The following DMD variants were observed in gnomAD, a reference collection of about 807,000 sequenced individuals.
The protein encoded by DMD is mutant dystrophin.
In DMD, 63 loss-of-function variants were observed where a neutral mutation model predicts 330.1. That is an observed-to-expected ratio of 0.19 (90% CI 0.16 to 0.24). The LOEUF (loss-of-function observed/expected upper bound fraction) is 0.24, where lower values mean the gene tolerates loss of function less well. Ranked by LOEUF, DMD falls within the 10% of genes least tolerant of loss-of-function variation. The pLI is 1.00. For missense variants in DMD, 3,344 were observed against 2,684.1 expected (o/e 1.25, Z -5.43); for synonymous variants, 1,223 against 959.8 (o/e 1.27, Z -5.07).
chrX:31,227,099 C>T (rs2046682486), intron 63 of DMD, among the ~76,000 whole-genome samples: 1 of 111,219 alleles, frequency 9.0e-6, no homozygotes, highest in Non-Finnish European at 1.9e-5. Context: ...AGTTTCCTAT[C>T]ATCTTTCTTC....
intron 62 of DMD, among the ~76,000 whole-genome samples, chrX:31,272,666 C>T (rs2051745740): frequency 8.9e-6 from 1 of 112,342 alleles, no homozygotes; most frequent in South Asian, 3.7e-4. Context: ...GTAAAAAAAT[C>T]AGGGAAGTCT....
At chrX:32,820,505 G>A (rs758656901) in intron 5 of DMD, among the ~76,000 whole-genome samples, 1 of 112,037 alleles carries the variant, frequency 8.9e-6, no homozygotes, top group East Asian at 2.8e-4. Context: ...GAAATTATCA[G>A]ACATAATAGT....
intron 1 of DMD, among the ~76,000 whole-genome samples, chrX:33,308,640 G>A (rs1390506495): frequency 9.0e-6 from 1 of 111,395 alleles, no homozygotes; most frequent in Admixed American, 9.6e-5. Flanking sequence ...TTTTCCAAAG[G>A]TCCAATTTGG....
At chrX:32,385,634 T>C (rs2097952847) in intron 33 of DMD, among the ~76,000 whole-genome samples, 1 of 26,457 alleles carries the variant, frequency 3.8e-5, no homozygotes, top group African/African-American at 2.5e-4. Flanking sequence ...CTATACAGAA[T>C]ATTTGAGTTG....
Position 32,820,142 on chromosome X carries a change from C to A in DMD, c.357+3153G>T, listed in dbSNP as rs184309534. Among the ~76,000 whole-genome samples, 229 of 112,252 alleles carry A rather than the reference C, an allele frequency of 2.0e-3. 1 individual carries two copies. The highest frequency in any genetic ancestry group is 6.4e-3 in the African/African-American group (199 of 30,959). On this transcript the variant is annotated intron_variant, in intron 5 of 78. Coordinates refer to ENST00000357033, the MANE Select transcript of DMD (RefSeq NM_004006.3). ...CTCATTGCAAAAGCGCCTCCACATG[C>A]TAATAATGAAAAATGGGCTGGGTGC...
intron 41 of DMD, among the ~76,000 whole-genome samples, chrX:32,325,623 C>G (rs866987037): frequency 9.0e-6 from 1 of 111,377 alleles, no homozygotes; most frequent in African/African-American, 3.3e-5. Context: ...ACTGCATACC[C>G]AATTGACAGA....
chrX:31,512,834 A>C (rs1195805048), intron 55 of DMD, among the ~76,000 whole-genome samples: 1 of 110,150 alleles, frequency 9.1e-6, no homozygotes, highest in Non-Finnish European at 1.9e-5. Context: ...TTTTGGTTCC[A>C]TATGAACTTT....
At chrX:32,011,664 G>A (rs990088549) in intron 44 of DMD, among the ~76,000 whole-genome samples, 7 of 111,298 alleles carry the variant, frequency 6.3e-5, no homozygotes, top group Admixed American at 1.9e-4. Context: ...AACAGGACAG[G>A]CCCCACCTGA....
intron 2 of DMD, among the ~76,000 whole-genome samples, chrX:33,007,744 A>G (rs367693903): frequency 2.0e-4 from 22 of 111,596 alleles, no homozygotes; most frequent in African/African-American, 7.1e-4. Flanking sequence ...TGTAGACTTC[A>G]TGTGTATTTC....
rs113052356 is a variant in DMD at position 31,453,219 on chromosome X, G to A, written c.8938-8592C>T. 3.6e-3 allele frequency among the ~76,000 whole-genome samples: 399 copies of A among 110,517 alleles called. 1 individual carries two copies. The highest frequency in any genetic ancestry group is 0.012 in the African/African-American group (372 of 30,299). ...TGCCCAGGCTGGAGTGCAGTGGTGT[G>A]ATCTCGATCTCAGCTCACTGCAACC... is the stretch of plus-strand genomic sequence containing the variant. On this transcript the variant is annotated intron_variant, in intron 59 of 78. Coordinates refer to ENST00000357033, the MANE Select transcript of DMD (RefSeq NM_004006.3).
chrX:32,803,784 A>G (rs1181457576), intron 7 of DMD, among the ~76,000 whole-genome samples: 2 of 111,992 alleles, frequency 1.8e-5, no homozygotes, highest in Non-Finnish European at 3.8e-5. Context: ...GAGTTTCTTA[A>G]TCCCGCATTC....
At chrX:33,084,022 C>G (rs963419079) in intron 1 of DMD, among the ~76,000 whole-genome samples, 1 of 111,841 alleles carries the variant, frequency 8.9e-6, no homozygotes, top group Non-Finnish European at 1.9e-5. Context: ...AGATAGACAC[C>G]CCACCATGAG....
intron 7 of DMD, among the ~76,000 whole-genome samples, chrX:32,779,773 AC>A (rs1387805859): frequency 2.8e-5 from 3 of 106,111 alleles, no homozygotes; most frequent in East Asian, 5.9e-4. Flanking sequence ...ATGTTAAATG[AC>A]GAGCTAATGG....
At chrX:32,751,313 A>G (rs188693364) in intron 7 of DMD, among the ~76,000 whole-genome samples, 1 of 111,233 alleles carries the variant, frequency 9.0e-6, no homozygotes, top group East Asian at 2.9e-4. Context: ...ATGAAATCCA[A>G]GCTGAGATGG....
At chrX:33,070,308 G>A (rs759248082) in intron 1 of DMD, among the ~76,000 whole-genome samples, 210 of 110,935 alleles carry the variant, frequency 1.9e-3, no homozygotes, top group African/African-American at 6.5e-3. Context: ...CAACTTGTAC[G>A]TATTAATAGT....
intron 4 of DMD, among the ~76,000 whole-genome samples, chrX:32,841,683 G>T (rs940091706): frequency 3.6e-5 from 4 of 111,953 alleles, no homozygotes; most frequent in Non-Finnish European, 7.5e-5. Flanking sequence ...CACACCATAT[G>T]CAATAATCAA....
chrX:31,947,167 G>T (rs1421236471), intron 45 of DMD, among the ~76,000 whole-genome samples: 1 of 111,329 alleles, frequency 9.0e-6, no homozygotes, highest in Non-Finnish European at 1.9e-5. Context: ...TTGAGACAGG[G>T]TCTCCTGGGG....
chrX:32,088,966 A>G (rs2096458403), intron 44 of DMD, among the ~76,000 whole-genome samples: 1 of 112,027 alleles, frequency 8.9e-6, no homozygotes, highest in South Asian at 3.7e-4. Context: ...GATGAGGCCT[A>G]GGCTGAAACA....
At position 31,326,646 on chromosome X, in the gene DMD, C is replaced by T. The variant is rs527947172; in HGVS notation, c.9164-2988G>A. ...CAGCCTCCCCTCATTCCTTCCCTGCCCCATCATAATCACATACACACACAC... is the reference window on the plus strand; with the variant it reads ...CAGCCTCCCCTCATTCCTTCCCTGCTCCATCATAATCACATACACACACAC... On this transcript the variant is annotated intron_variant, in intron 61 of 78. Transcript: ENST00000357033. Among the ~76,000 whole-genome samples, 11 of 109,817 alleles carry T rather than the reference C, an allele frequency of 1.0e-4. No individual in the cohort carries two copies. The South Asian group carries it at 4.4e-3, about 44-fold the overall frequency.
Sources: gnomAD v4.1 joint callset for allele counts (sites outside exome capture counted in the v4.1 genomes callset) on GRCh38, gnomAD v4.1.1 for gene constraint, MANE v1.5 for transcripts, NCBI Gene and HGNC (gene_info 2026-07-23, HGNC 2026-07-21) for gene names.